The following ANXA13 variants were observed in gnomAD, a reference collection of about 807,000 sequenced individuals.
ANXA13 encodes the protein annexin XIII.
In ANXA13, 36 loss-of-function variants were observed where a neutral mutation model predicts 46.6. That is an observed-to-expected ratio of 0.77 (90% CI 0.59 to 1.02). The LOEUF (loss-of-function observed/expected upper bound fraction) is 1.02. Ranked by LOEUF, ANXA13 falls within the 50% of genes least tolerant of loss-of-function variation. The pLI is 0.00. For synonymous variants in ANXA13, 163 were observed against 152.9 expected (o/e 1.07, Z -0.49); for missense variants, 417 against 396.5 (o/e 1.05, Z -0.44).
intron 2 of ANXA13, among the ~76,000 whole-genome samples, chr8:123,705,829 A>G (rs1813527968): frequency 6.6e-6 from 1 of 152,176 alleles, no homozygotes; most frequent in Non-Finnish European, 1.5e-5. Flanking sequence ...GAGATGGGGT[A>G]GAGAAAAAAA....
chr8:123,720,314 G>A (rs1219002503), intron 1 of ANXA13, among the ~76,000 whole-genome samples: 2 of 152,068 alleles, frequency 1.3e-5, no homozygotes, highest in Non-Finnish European at 1.5e-5. Flanking sequence ...GTTTTGCCTG[G>A]GCTTGTTAAG....
At chr8:123,684,867 C>T (rs536641648) in intron 9 of ANXA13, 145 bp from the exon 10 acceptor site, 779 of 629,864 alleles carry the variant, frequency 1.2e-3, no homozygotes, top group Non-Finnish European at 1.9e-3. Flanking sequence ...GACACCGTTG[C>T]GAAATGAGAT....
intron 1 of ANXA13, 125 bp downstream of exon 1, chr8:123,737,194 TA>T: frequency 3.0e-6 from 3 of 992,246 alleles, no homozygotes; most frequent in Non-Finnish European, 3.0e-6. Flanking sequence ...ATGCTGTTGC[TA>T]AAACCAATAT....
rs1227805278 is a variant in ANXA13 at position 123,698,691 on chromosome 8, C to T, written c.187-132G>A. ...GACATGAATTCTGCCAACCTGCAACCTGCTGAGAACATGCAACCTGCTCTC... is the reference window on the plus strand; with the variant it reads ...GACATGAATTCTGCCAACCTGCAACTTGCTGAGAACATGCAACCTGCTCTC... On this transcript the variant is annotated intron_variant, in intron 3 of 10. Transcript: ENST00000419625. 61 of 932,208 alleles carry T rather than the reference C, an allele frequency of 6.5e-5. 1 individual carries two copies. The East Asian group carries it at 1.6e-3, about 24-fold the overall frequency. The allele number at this position is 932,208 out of a possible 1,614,324, so 57.7% of individuals were successfully genotyped here.
At chr8:123,704,646 C>T (rs987529938) in intron 2 of ANXA13, among the ~76,000 whole-genome samples, 1 of 152,178 alleles carries the variant, frequency 6.6e-6, no homozygotes, top group Non-Finnish European at 1.5e-5. Context: ...ATCCACCTGC[C>T]TCAGCCTCTT....
intron 1 of ANXA13, among the ~76,000 whole-genome samples, chr8:123,727,309 A>G (rs1814019928): frequency 1.3e-5 from 2 of 152,200 alleles, no homozygotes; most frequent in South Asian, 2.1e-4. Context: ...ATAAGGGTCA[A>G]TCTTCAGGAG....
chr8:123,706,824 C>G (rs1341721390), intron 2 of ANXA13, among the ~76,000 whole-genome samples: 2 of 152,222 alleles, frequency 1.3e-5, no homozygotes, highest in East Asian at 1.9e-4. Context: ...CCTGTCCTCT[C>G]CCAGGCTACT....
intron 2 of ANXA13, among the ~76,000 whole-genome samples, chr8:123,704,873 C>A (rs1813511926): frequency 6.6e-6 from 1 of 152,242 alleles, no homozygotes; most frequent in Admixed American, 6.5e-5. Context: ...TCACTCCTTT[C>A]CCAGGCGACT....
rs116059225 is a variant in ANXA13, at chr8:123,710,758, A to G, written c.91+1920T>C. On this transcript the variant is annotated intron_variant, in intron 2 of 10. Coordinates refer to ENST00000419625, the MANE Select transcript of ANXA13 (RefSeq NM_004306.4). ...CTTTGGCTGTCTTACTTAAAATGTC[A>G]GGTCATCAGTTTCCTCAGCTGGAAA... 8.2e-3 allele frequency among the ~76,000 whole-genome samples: 1,244 copies of G among 151,986 alleles called. 21 individuals are homozygous for G. The highest frequency in any genetic ancestry group is 0.028 in the African/African-American group (1,145 of 41,566).
At chr8:123,699,873 A>G (rs540365264) in intron 3 of ANXA13, among the ~76,000 whole-genome samples, 1 of 152,316 alleles carries the variant, frequency 6.6e-6, no homozygotes, top group East Asian at 1.9e-4. Flanking sequence ...ACAGTGCTAG[A>G]CTGACCTCAC....
At position 123,722,520 on chromosome 8, in the gene ANXA13, G is replaced by A. The variant is rs1414005307; in HGVS notation, c.16-9767C>T. Among the ~76,000 whole-genome samples the A allele has an allele frequency of 3.3e-5, 5 of 152,194 alleles. 1 individual carries two copies. The East Asian group carries it at 5.8e-4, about 18-fold the overall frequency. On this transcript the variant is annotated intron_variant, in intron 1 of 10. Transcript: ENST00000419625. ...AGCTGTAGGATCAATAAATATTCTC[G>A]ATGATGAGAAAATAGAAAGTAAAAT...
At chr8:123,730,871 A>G (rs1213119672) in intron 1 of ANXA13, among the ~76,000 whole-genome samples, 1 of 152,096 alleles carries the variant, frequency 6.6e-6, no homozygotes, top group African/African-American at 2.4e-5. Flanking sequence ...GGGTGGGGAA[A>G]TGAGCAGAAT....
intron 1 of ANXA13, among the ~76,000 whole-genome samples, chr8:123,719,357 T>A (rs975236166): frequency 1.3e-5 from 2 of 152,336 alleles, no homozygotes; most frequent in Non-Finnish European, 2.9e-5. Context: ...TCCTTATTTT[T>A]CCTCCCTTAT....
At chr8:123,709,112 G>A (rs1193337072) in intron 2 of ANXA13, among the ~76,000 whole-genome samples, 2 of 152,184 alleles carry the variant, frequency 1.3e-5, no homozygotes, top group Non-Finnish European at 2.9e-5. Flanking sequence ...ACAAGGGCGC[G>A]CCTACTCAAT....
Position 123,690,254 on chromosome 8 carries a change from G to A in ANXA13, c.643-1308C>T, listed in dbSNP as rs377501515. On this transcript the variant is annotated intron_variant, in intron 8 of 10. Transcript: ENST00000419625. The surrounding 1 kb of genome is among the most constrained non-coding windows in gnomAD (Gnocchi z 4.6). ...CTTTAAAAAATCCTCACATTAAACC[G>A]TTTTCCATTTCTATTGTTAATACCA... Among the ~76,000 whole-genome samples, 12 of 152,144 alleles carry A rather than the reference G, an allele frequency of 7.9e-5. No individual in the cohort carries two copies. Among genetic ancestry groups the A allele is most frequent in the African/African-American group, 1.9e-4 (8 of 41,416 alleles).
chr8:123,719,111 A>G (rs920574803), intron 1 of ANXA13, among the ~76,000 whole-genome samples: 2 of 152,214 alleles, frequency 1.3e-5, no homozygotes, highest in Non-Finnish European at 2.9e-5. Context: ...TGCTCTAAGT[A>G]TTATATAGTA....
In ANXA13 at chr8:123,708,814, C is replaced by G. The variant is rs184644883; in HGVS notation, c.91+3864G>C. Among the ~76,000 whole-genome samples the G allele has an allele frequency of 2.0e-3, 306 of 152,256 alleles. 1 individual carries two copies. The highest frequency in any genetic ancestry group is 7.1e-3 in the African/African-American group (293 of 41,538). On this transcript the variant is annotated intron_variant, in intron 2 of 10. Coordinates refer to ENST00000419625, the MANE Select transcript of ANXA13 (RefSeq NM_004306.4). ...CCGGGGCAGTGTCTGTTCCTTGCCC[C>G]TCCTGGCTTCTGCCGGGAACCCTTA...
At chr8:123,693,054 TC>T (rs34560471) in intron 8 of ANXA13, 142 bp downstream of exon 8, 1 of 733,268 alleles carries the variant, frequency 1.4e-6, no homozygotes, top group Non-Finnish European at 2.3e-6. Context: ...TATCAAATAT[TC>T]CCTAGGTAGG....
At chr8:123,692,116 A>G (rs1388262464) in intron 8 of ANXA13, among the ~76,000 whole-genome samples, 1 of 152,204 alleles carries the variant, frequency 6.6e-6, no homozygotes, top group Admixed American at 6.5e-5. Flanking sequence ...TTGTCTTTTT[A>G]TCTGCTGGCA....
Sources: allele counts gnomAD v4.1 joint callset (sites outside exome capture counted in the v4.1 genomes callset), GRCh38; gene constraint gnomAD v4.1.1; non-coding constraint Gnocchi (gnomAD v3.1); transcripts MANE v1.5; gene names NCBI Gene and HGNC (gene_info 2026-07-23, HGNC 2026-07-21).